The following ZNF596 variants were observed in gnomAD, a reference collection of about 807,000 sequenced individuals.
ZNF596 encodes the protein zinc finger protein 596.
In ZNF596, 45 loss-of-function variants were observed where a neutral mutation model predicts 48.3. The observed-to-expected ratio is 0.93, with a 90% CI of 0.73 to 1.19. The LOEUF is 1.19. Among genes scored for constraint, ZNF596 ranks in the 50% most tolerant of loss-of-function variants. ZNF596 has a pLI of 0.00. For missense variants in ZNF596, 848 were observed against 599.7 expected, an observed-to-expected ratio of 1.41 and a Z score of -4.32; for synonymous variants, 270 against 202.0, an observed-to-expected ratio of 1.34 and a Z score of -2.85.
rs369886454 is a variant in ZNF596 at position 245,487 on chromosome 8, G to T, written c.640G>T (p.Glu214Ter). ...FSKNSNLRRH[E>*]MIHTGEKPHG... ...CAAAAATTCTAATCTTAGGCGACATGAGATGATTCACACTGGAGAGAAACC... is the reference window on the plus strand; with the variant it reads ...CAAAAATTCTAATCTTAGGCGACATTAGATGATTCACACTGGAGAGAAACC... Residue 214 changes from glutamate (E) to a stop codon, truncating the protein, a stop_gained, in exon 6 of 6, where the codon GAG becomes TAG. Transcript: ENST00000398612. LOFTEE classifies it high-confidence loss of function. 72 of 1,614,172 alleles carry T rather than the reference G, an allele frequency of 4.5e-5. No individual in the cohort carries two copies. In the Middle Eastern group the frequency reaches 4.9e-4, roughly 11 times the overall value.
chr8:245,793 T>G lies in ZNF596; in HGVS notation c.946T>G (p.Phe316Val). The change falls in exon 6 of 6, where the codon TTC becomes GTC. Residue 316 changes from phenylalanine to valine, a missense_variant. Coordinates refer to ENST00000398612, the MANE Select transcript of ZNF596 (RefSeq NM_001042416.3). ...TGGATGTCTCCTATGTGGGAAGGCT[T>G]TCAGTAAATGTTCTTACCTTAGACA... ...PYGCLLCGKAFSKCSYLRQHE... is the reference protein window; with the variant it reads ...PYGCLLCGKAVSKCSYLRQHE... 6.2e-7 allele frequency: 1 copy of G among 1,614,136 alleles called. No individual in the cohort carries two copies. Among genetic ancestry groups the G allele is most frequent in the Non-Finnish European group, 8.5e-7 (1 of 1,180,036 alleles).
intron 1 of ZNF596, chr8:237,506 ATGAATGTAATTGGAATACCCCTT>A (rs1796666917): frequency 1.3e-5 from 2 of 152,160 alleles, no homozygotes; most frequent in Non-Finnish European, 2.9e-5. Context: ...TATTAATATC[ATGAATGTAATTGGAATACCCCTT>A]TGATTTTACT....
At chr8:235,511 C>T (rs1796583539) in intron 1 of ZNF596, among the ~76,000 whole-genome samples, 1 of 151,562 alleles carries the variant, frequency 6.6e-6, no homozygotes. Flanking sequence ...AAAATGACAA[C>T]TCATTGTTAT....
At chr8:243,846 A>G (rs1796953036) in intron 4 of ZNF596, 41 bp downstream of exon 4, 2 of 1,561,324 alleles carry the variant, frequency 1.3e-6, no homozygotes, top group Non-Finnish European at 1.8e-6. Context: ...AGGAGGAGAA[A>G]CATGGCCAGT....
At chr8:240,188 T>C (rs1796795018) in intron 1 of ZNF596, 1 of 152,226 alleles carries the variant, frequency 6.6e-6, no homozygotes, top group South Asian at 2.1e-4. Flanking sequence ...GAACTCCCTT[T>C]AGCATTTCTT....
chr8:243,135 TCTG>T (rs1796922207), intron 3 of ZNF596, 122 bp downstream of exon 3: 2 of 818,856 alleles, frequency 2.4e-6, no homozygotes, highest in Admixed American at 6.5e-5. Context: ...CACTTCAACT[TCTG>T]CTTTGATCCT....
intron 1 of ZNF596, chr8:237,029 A>G (rs984935849): frequency 6.6e-6 from 1 of 152,240 alleles, no homozygotes; most frequent in African/African-American, 2.4e-5. Context: ...AAACTCTGAT[A>G]TATAACTTAA....
Position 246,475 on chromosome 8 carries a change from A to G in ZNF596, c.*113A>G, listed in dbSNP as rs1797096034. ...TTTATTTATATTTACCACTTTGCTC[A>G]ACCTAAATGAATTCAAGGTAGAGAG... On this transcript the variant is annotated 3_prime_UTR_variant, in exon 6 of 6. Transcript: ENST00000398612. 7.5e-7 allele frequency: 1 copy of G among 1,341,804 alleles called. No homozygotes were observed. Among genetic ancestry groups the G allele is most frequent in the South Asian group, 1.5e-5 (1 of 67,536 alleles). 83.1% of individuals were successfully genotyped at this position (1,341,804 alleles called of 1,614,324 possible).
intron 4 of ZNF596, 135 bp from the exon 5 acceptor site, chr8:244,484 C>G: frequency 5.9e-6 from 4 of 676,110 alleles, no homozygotes; most frequent in South Asian, 5.2e-5. Context: ...TACTCTTCTC[C>G]TTAAAGTATG....
At chr8:237,640 T>A (rs920176191) in intron 1 of ZNF596, 4 of 152,196 alleles carry the variant, frequency 2.6e-5, no homozygotes, top group African/African-American at 7.2e-5. Flanking sequence ...TGTGATCTCA[T>A]TATTAAATTA....
At chr8:242,257 G>C (rs1011384173) in intron 2 of ZNF596, among the ~76,000 whole-genome samples, 18 of 152,350 alleles carry the variant, frequency 1.2e-4, no homozygotes, top group African/African-American at 3.6e-4. Context: ...CACCTGAGTT[G>C]TGTAGACATA....
chr8:245,254 C>T lies in ZNF596; in HGVS notation c.407C>T (p.Thr136Met), dbSNP rs2074718. ...CAAAATGTGATTACCTACATGAGAA[C>T]GAAACACTTTGTAAGCAAAAAGTTT... ...LTQNVITYMR[T>M]KHFVSKKFGK... The change falls in exon 6 of 6, where the codon ACG becomes ATG. Residue 136 changes from threonine to methionine, a missense_variant. Physicochemically the swap from Thr to Met is moderately conservative, Grantham distance 81. Transcript: ENST00000398612. 64 of 1,613,758 alleles carry T rather than the reference C, an allele frequency of 4.0e-5. No homozygotes were observed. Among genetic ancestry groups the T allele is most frequent in the Middle Eastern group, 1.6e-4 (1 of 6,082 alleles).
intron 1 of ZNF596, among the ~76,000 whole-genome samples, chr8:238,102 G>A (rs1796691627): frequency 6.6e-6 from 1 of 152,186 alleles, no homozygotes; most frequent in Non-Finnish European, 1.5e-5. Flanking sequence ...CACCTTTAGT[G>A]ATGCCTGTGG....
At position 243,815 on chromosome 8, in the gene ZNF596, A is replaced by G; in HGVS notation, c.223+10A>G. ...ATAAGCTTACTGCAAGGTGAGCTCT[A>G]AGAAGCAGTGCTTCAATAGGAGGAG... On this transcript the variant is annotated intron_variant, in intron 4 of 5. Transcript: ENST00000398612. 2 of 1,610,530 alleles carry G rather than the reference A, an allele frequency of 1.2e-6. No individual in the cohort carries two copies. Among genetic ancestry groups the G allele is most frequent in the African/African-American group, 1.3e-5 (1 of 74,964 alleles).
rs991365775 is a variant in ZNF596, at chr8:246,091, G to C, written c.1244G>C (p.Gly415Ala). ...AGACGACATGAGAGAACTCACACTG[G>C]AGAAAAACCATATGAATGCCATCTA... is the stretch of plus-strand genomic sequence containing the variant. Reference protein sequence around the residue: ...DLRRHERTHTGEKPYECHLCG... With the variant: ...DLRRHERTHTAEKPYECHLCG... The change falls in exon 6 of 6, where the codon GGA (glycine) becomes GCA (alanine). Residue 415 changes from glycine to alanine, a missense_variant. Physicochemically the swap from Gly to Ala is moderately conservative, Grantham distance 60. Transcript: ENST00000398612. 25 of 1,613,294 alleles carry C rather than the reference G, an allele frequency of 1.5e-5. No individual in the cohort carries two copies. Among genetic ancestry groups the C allele is most frequent in the East Asian group, 2.2e-5 (1 of 44,870 alleles).
chr8:238,405 G>A (rs1796707156), intron 1 of ZNF596, among the ~76,000 whole-genome samples: 1 of 152,000 alleles, frequency 6.6e-6, no homozygotes, highest in African/African-American at 2.4e-5. Context: ...ATAGCAACTG[G>A]CACAGCTCTG....
intron 2 of ZNF596, among the ~76,000 whole-genome samples, chr8:242,297 A>G (rs745717681): frequency 8.1e-5 from 12 of 147,506 alleles, no homozygotes; most frequent in Admixed American, 1.3e-4. Context: ...ACCAAGTTCT[A>G]TATGAAAGTT....
intron 1 of ZNF596, among the ~76,000 whole-genome samples, chr8:235,627 G>T (rs1469749169): frequency 1.3e-5 from 2 of 152,068 alleles, no homozygotes; most frequent in Non-Finnish European, 2.9e-5. Context: ...TATATTAGAT[G>T]CTATTTTATA....
In ZNF596 at chr8:246,103, A is replaced by C. The variant is rs751478981; in HGVS notation, c.1256A>C (p.Tyr419Ser). The C allele has an allele frequency of 6.2e-7, 1 of 1,613,432 alleles. No homozygotes were observed. The highest frequency in any genetic ancestry group is 8.5e-7 in the Non-Finnish European group (1 of 1,179,460). Residue 419 changes from tyrosine to serine, a missense_variant, in exon 6 of 6, where the codon TAT becomes TCT. By Grantham distance (144) the Tyr-to-Ser change is moderately radical. Coordinates refer to ENST00000398612, the MANE Select transcript of ZNF596 (RefSeq NM_001042416.3). ...HERTHTGEKP[Y>S]ECHLCGKAFN... ...AGAACTCACACTGGAGAAAAACCAT[A>C]TGAATGCCATCTATGCGGAAAAGCC...
Sources: gnomAD v4.1 joint callset for allele counts (sites outside exome capture counted in the v4.1 genomes callset) on GRCh38, gnomAD v4.1.1 for gene constraint, MANE v1.5 for transcripts, NCBI Gene and HGNC (gene_info 2026-07-23, HGNC 2026-07-21) for gene names.